Variants in LRRK1 observed in about 807,000 individuals in gnomAD.
The protein encoded by LRRK1 is leucine rich repeat kinase 1.
Under a neutral mutation model 209.1 loss-of-function variants are expected in LRRK1, and 113 were observed. That is an observed-to-expected ratio of 0.54 (90% CI 0.46 to 0.63). LRRK1 has a LOEUF of 0.63. Among genes scored for constraint, LRRK1 ranks in the 30% least tolerant of loss-of-function variants. LRRK1 has a pLI of 0.00. For synonymous variants in LRRK1, 1,144 were observed against 1,099.7 expected (o/e 1.04, Z -0.80); for missense variants, 2,284 against 2,632.2 (o/e 0.87, Z 2.89).
At position 101,066,082 on chromosome 15, in the gene LRRK1, A is replaced by C; in HGVS notation, c.5645A>C (p.His1882Pro). The change falls in exon 32 of 34, where the codon CAT becomes CCT. Residue 1882 changes from histidine (H) to proline (P), a missense_variant. Physicochemically the swap from His to Pro is moderately conservative, Grantham distance 77. Around this residue, in one of 6 missense-constraint regions of LRRK1, gnomAD observed 643 missense variants for 695.9 expected, o/e 0.92. Coordinates refer to ENST00000388948, the MANE Select transcript of LRRK1 (RefSeq NM_024652.6). ...STDCEDSDML[H>P]TPGAASDRSE... Reference sequence around the variant, plus strand: ...GACTGCGAGGACTCAGACATGCTACATACGCCCGGTGCTGCCTCCGACAGG... The same window carrying C: ...GACTGCGAGGACTCAGACATGCTACCTACGCCCGGTGCTGCCTCCGACAGG... The C allele has an allele frequency of 6.2e-7, 1 of 1,614,080 alleles. No homozygotes were observed. Among genetic ancestry groups the C allele is most frequent in the Non-Finnish European group, 8.5e-7 (1 of 1,180,026 alleles).
intron 6 of LRRK1, among the ~76,000 whole-genome samples, chr15:100,994,685 C>A (rs1287259105): frequency 2.0e-5 from 3 of 152,188 alleles, no homozygotes; most frequent in African/African-American, 7.2e-5. Flanking sequence ...TTCAGCGCAA[C>A]CTGAGTCTCA....
At chr15:100,980,574 G>A (rs1400828859) in intron 3 of LRRK1, among the ~76,000 whole-genome samples, 4 of 152,130 alleles carry the variant, frequency 2.6e-5, no homozygotes, top group South Asian at 2.1e-4. Flanking sequence ...TTGTACTAAC[G>A]TCAAGTATCT....
In LRRK1 at chr15:101,015,390, G is replaced by T. The variant is rs781229505; in HGVS notation, c.1597G>T (p.Gly533Trp). 2 of 1,613,184 alleles carry T rather than the reference G, an allele frequency of 1.2e-6. No individual in the cohort carries two copies. Among genetic ancestry groups the T allele is most frequent in the Non-Finnish European group, 1.7e-6 (2 of 1,179,492 alleles). Reference sequence around the variant, plus strand: ...CACCACCAGAGGTCGCCAGCGCTCCGGGACTGAGGCAGGTGTGTGTGGGTT... The same window carrying T: ...CACCACCAGAGGTCGCCAGCGCTCCTGGACTGAGGCAGGTGTGTGTGGGTT... ...FFTTRGRQRSGTEAASVLEFP... is the reference protein window; with the variant it reads ...FFTTRGRQRSWTEAASVLEFP... Residue 533 changes from glycine to tryptophan, a missense_variant, in exon 12 of 34, where the codon GGG becomes TGG. Physicochemically the swap from Gly to Trp is radical, Grantham distance 184. This residue lies in a region of LRRK1 where 494 missense variants were observed against 522.1 expected (regional missense o/e 0.95). Transcript: ENST00000388948.
At chr15:101,061,338 G>A (rs1442090457) in intron 30 of LRRK1, 50 bp downstream of exon 30, 2 of 1,319,788 alleles carry the variant, frequency 1.5e-6, no homozygotes, top group East Asian at 2.3e-5. Context: ...TGCCCACTGG[G>A]TGCAGCCCTG....
chr15:100,943,620 T>A (rs979899723), intron 2 of LRRK1, among the ~76,000 whole-genome samples: 5 of 152,144 alleles, frequency 3.3e-5, no homozygotes, highest in African/African-American at 7.2e-5. Flanking sequence ...GTTCTTTTTT[T>A]TTTTTTAAGC....
At chr15:100,984,377 G>A (rs1406010787) in intron 4 of LRRK1, among the ~76,000 whole-genome samples, 3 of 152,216 alleles carry the variant, frequency 2.0e-5, no homozygotes, top group South Asian at 4.1e-4. Flanking sequence ...ATATCCCATC[G>A]GTTTTGACAA....
rs370033723 is a variant in LRRK1 at position 101,068,803 on chromosome 15, C to T, written c.6003C>T (p.Tyr2001=). 60 of 1,612,166 alleles carry T rather than the reference C, an allele frequency of 3.7e-5. No individual in the cohort carries two copies. The highest frequency in any genetic ancestry group is 6.7e-5 in the East Asian group (3 of 44,868). The change falls in exon 34 of 34, where the codon TAC becomes TAT. Residue 2001 remains tyrosine, a synonymous_variant. Transcript: ENST00000388948. ...AREFDIFYQS[Y]EELGRLEACT... ...AGTTCGACATTTTCTACCAGTCCTA[C>T]GAGGAGCTGGGCCGGCTGGAGGCTT... is the stretch of plus-strand genomic sequence containing the variant.
chr15:100,992,953 G>GC (rs1250349217), intron 6 of LRRK1, among the ~76,000 whole-genome samples: 2 of 152,158 alleles, frequency 1.3e-5, no homozygotes, highest in African/African-American at 4.8e-5. Flanking sequence ...GAGCCACCGT[G>GC]CCCGGCCCAT....
At chr15:101,050,967 G>A (rs1316481147) in intron 23 of LRRK1, among the ~76,000 whole-genome samples, 3 of 152,146 alleles carry the variant, frequency 2.0e-5, no homozygotes, top group African/African-American at 7.2e-5. Context: ...TTGACAGGTG[G>A]GTCCCTTAGA....
intron 13 of LRRK1, 61 bp downstream of exon 13, chr15:101,021,243 T>TC: frequency 6.4e-7 from 1 of 1,573,666 alleles, no homozygotes. Context: ...AGAACGCCCA[T>TC]CCCTAAACCA....
chr15:101,059,665 C>CCTGCAGTTCTGAATT (rs2036042103), intron 29 of LRRK1, among the ~76,000 whole-genome samples: 1 of 151,894 alleles, frequency 6.6e-6, no homozygotes, highest in Admixed American at 6.5e-5. Flanking sequence ...AGTTCTGAAT[C>CCTGCAGTTCTGAATT]GATTGGATAG....
intron 24 of LRRK1, 47 bp from the exon 25 acceptor site, chr15:101,052,875 C>T (rs746285470): frequency 7.0e-6 from 11 of 1,581,728 alleles, no homozygotes; most frequent in Middle Eastern, 1.7e-4. Context: ...AGGACCCACC[C>T]GCATCAGGGC....
intron 30 of LRRK1, among the ~76,000 whole-genome samples, chr15:101,061,593 A>G (rs1198755047): frequency 6.6e-6 from 1 of 152,202 alleles, no homozygotes; most frequent in Non-Finnish European, 1.5e-5. Context: ...TGTGTTTCCC[A>G]TAACACTGCT....
chr15:100,957,315 C>T (rs2141629882), intron 2 of LRRK1, among the ~76,000 whole-genome samples: 1 of 152,216 alleles, frequency 6.6e-6, no homozygotes, highest in Admixed American at 6.5e-5. Flanking sequence ...TCTATTTGGT[C>T]TATAGTATTA....
At chr15:100,980,139 A>G (rs1318296495) in intron 3 of LRRK1, among the ~76,000 whole-genome samples, 1 of 152,216 alleles carries the variant, frequency 6.6e-6, no homozygotes, top group African/African-American at 2.4e-5. Flanking sequence ...TGTCATACCA[A>G]CTTTATTTGT....
chr15:101,027,282 G>A lies in LRRK1; in HGVS notation c.2427G>A (p.Leu809=). 1 of 1,614,128 alleles carries A rather than the reference G, an allele frequency of 6.2e-7. No individual in the cohort carries two copies. The highest frequency in any genetic ancestry group is 8.5e-7 in the Non-Finnish European group (1 of 1,180,028). ...ACAGTGAGATTTCCTGCAAGAGCCTGGAAGGTCAGGAAGGGCTGCGACAGC... is the reference window on the plus strand; with the variant it reads ...ACAGTGAGATTTCCTGCAAGAGCCTAGAAGGTCAGGAAGGGCTGCGACAGC... ...KHLHEISCKS[L]EGQEGLRQLI... is the part of the protein sequence containing the mutation. Residue 809 remains leucine, a synonymous_variant, in exon 18 of 34, where the codon CTG becomes CTA. Coordinates refer to ENST00000388948, the MANE Select transcript of LRRK1 (RefSeq NM_024652.6). This position sits in a 1 kb window ranked among gnomAD's most constrained non-coding sequence, Gnocchi z 5.1.
At position 101,015,305 on chromosome 15, in the gene LRRK1, GTC is replaced by G. The variant is rs769822139; in HGVS notation, c.1533-17_1533-16del. Reference sequence around the variant, plus strand: ...TTTTGTCGTGCTGTCCTCAAATTTTGTCTCTTTTTCCTCCCCCCAGAAATGAA... The same window carrying G: ...TTTTGTCGTGCTGTCCTCAAATTTTGTCTTTTTCCTCCCCCCAGAAATGAA... On this transcript the variant is annotated intron_variant, in intron 11 of 33. Transcript: ENST00000388948. The G allele has an allele frequency of 7.1e-5, 113 of 1,600,924 alleles. 1 individual carries two copies. In the African/African-American group the frequency reaches 1.0e-3, roughly 14 times the overall value.
At chr15:100,939,165 A>G (rs2042357119) in intron 2 of LRRK1, among the ~76,000 whole-genome samples, 1 of 152,218 alleles carries the variant, frequency 6.6e-6, no homozygotes, top group African/African-American at 2.4e-5. Context: ...CTCTGTTTTT[A>G]TCACTGGTTT....
intron 2 of LRRK1, among the ~76,000 whole-genome samples, chr15:100,930,548 C>G (rs994586298): frequency 6.6e-6 from 1 of 152,234 alleles, no homozygotes; most frequent in Non-Finnish European, 1.5e-5. Flanking sequence ...CACACTTGCT[C>G]CTGACTTGGC....
Sources: allele counts gnomAD v4.1 joint callset (sites outside exome capture counted in the v4.1 genomes callset), GRCh38; gene constraint gnomAD v4.1.1; regional missense constraint gnomAD v4.1.1; non-coding constraint Gnocchi (gnomAD v3.1); transcripts MANE v1.5; gene names NCBI Gene and HGNC (gene_info 2026-07-23, HGNC 2026-07-21).